Variants in MEF2C observed in about 807,000 individuals in gnomAD.
MEF2C encodes myocyte enhancer factor 2C.
A neutral mutation model predicts 50.5 loss-of-function variants in MEF2C; 6 were observed. The observed-to-expected ratio is 0.12, with a 90% CI of 0.07 to 0.23. The LOEUF is 0.23. MEF2C is among the 10% of genes least tolerant of loss of function. MEF2C has a pLI of 1.00. For synonymous variants in MEF2C, 183 were observed against 228.0 expected, an observed-to-expected ratio of 0.80 and a Z score of 1.78; for missense variants, 276 against 605.0, an observed-to-expected ratio of 0.46 and a Z score of 5.70.
intron 3 of MEF2C, among the ~76,000 whole-genome samples, chr5:88,793,330 G>C (rs1794630612): frequency 1.3e-5 from 2 of 152,136 alleles, no homozygotes; most frequent in African/African-American, 4.8e-5. Flanking sequence ...TATAGGATGG[G>C]GGTTGTAAGG....
intron 3 of MEF2C, among the ~76,000 whole-genome samples, chr5:88,765,183 T>C (rs1210126729): frequency 2.0e-5 from 3 of 152,206 alleles, no homozygotes; most frequent in African/African-American, 4.8e-5. Context: ...TCAAGTTAAA[T>C]TGTGTTATTT....
intron 1 of MEF2C, among the ~76,000 whole-genome samples, chr5:88,830,888 C>A (rs1334883901): frequency 6.6e-6 from 1 of 152,098 alleles, no homozygotes; most frequent in Non-Finnish European, 1.5e-5. Context: ...TCAGTAAGCA[C>A]ATGCAGCTGG....
chr5:88,816,932 G>A (rs896665419), intron 2 of MEF2C, among the ~76,000 whole-genome samples: 1 of 151,670 alleles, frequency 6.6e-6, no homozygotes, highest in Non-Finnish European at 1.5e-5. Context: ...TTTTCACTAG[G>A]TCTGAAAGAG....
chr5:88,807,583 G>A (rs572407737), intron 2 of MEF2C, among the ~76,000 whole-genome samples: 3 of 152,300 alleles, frequency 2.0e-5, no homozygotes, highest in South Asian at 4.1e-4. Flanking sequence ...TTGTAAAACA[G>A]AGATTTATAC....
intron 3 of MEF2C, among the ~76,000 whole-genome samples, chr5:88,803,876 C>T (rs991295375): frequency 6.6e-6 from 1 of 152,094 alleles, no homozygotes; most frequent in Non-Finnish European, 1.5e-5. Flanking sequence ...TATGCTAACA[C>T]ATCTAAAACA....
At chr5:88,861,860 A>G (rs189096504) in intron 1 of MEF2C, among the ~76,000 whole-genome samples, 4 of 152,308 alleles carry the variant, frequency 2.6e-5, no homozygotes, top group African/African-American at 7.2e-5. Flanking sequence ...TTCTAATTGC[A>G]TGTATGATGT....
chr5:88,731,421 C>T (rs1445228711), intron 7 of MEF2C: 6 of 269,984 alleles, frequency 2.2e-5, no homozygotes, highest in Non-Finnish European at 4.3e-5. Context: ...AGAGATTGAC[C>T]GATGGTAGTG....
At chr5:88,868,949 CATT>C (rs1161311543) in intron 1 of MEF2C, among the ~76,000 whole-genome samples, 2 of 151,920 alleles carry the variant, frequency 1.3e-5, no homozygotes, top group Admixed American at 1.3e-4. Context: ...GGCACGTATA[CATT>C]ATAATATTTG....
intron 6 of MEF2C, chr5:88,740,815 T>A: frequency 1.0e-6 from 1 of 985,424 alleles, no homozygotes; most frequent in Non-Finnish European, 1.2e-6. Context: ...GATAGATTTA[T>A]GACTCATTTA....
At chr5:88,795,927 T>G (rs763479388) in intron 3 of MEF2C, among the ~76,000 whole-genome samples, 67 of 152,240 alleles carry the variant, frequency 4.4e-4, no homozygotes, top group Non-Finnish European at 2.2e-4. Flanking sequence ...TTTCTGTTTA[T>G]GTGATGGATT....
At position 88,839,791 on chromosome 5, in the gene MEF2C, C is replaced by T. The variant is rs151306041; in HGVS notation, c.-142-15861G>A. The stretch of plus-strand genomic sequence containing the variant: ...TTTTGTATCGTATGAAATAGAAAAA[C>T]AATAAGCATAACAAAACCTCTACCA... On this transcript the variant is annotated intron_variant, in intron 1 of 10. Coordinates refer to ENST00000504921, the MANE Select transcript of MEF2C (RefSeq NM_002397.5). 2.1e-3 allele frequency among the ~76,000 whole-genome samples: 316 copies of T among 152,060 alleles called. 1 individual carries two copies. Among genetic ancestry groups the T allele is most frequent in the African/African-American group, 6.9e-3 (287 of 41,502 alleles).
chr5:88,763,597 A>C (rs1052004442), intron 3 of MEF2C, among the ~76,000 whole-genome samples: 13 of 152,042 alleles, frequency 8.6e-5, no homozygotes, highest in African/African-American at 2.2e-4. Flanking sequence ...GATCAAGAAA[A>C]TATTATTTGA....
At chr5:88,751,294 T>C (rs1280661701) in intron 5 of MEF2C, 19 of 985,322 alleles carry the variant, frequency 1.9e-5, no homozygotes, top group Non-Finnish European at 2.3e-5. Context: ...CAGGTGTACA[T>C]GTGTTTAATT....
chr5:88,772,931 C>T, intron 3 of MEF2C: 1 of 985,092 alleles, frequency 1.0e-6, no homozygotes. Flanking sequence ...TGTGATATGC[C>T]ATCCCAGAGA....
chr5:88,772,240 TTA>T (rs767352006), intron 3 of MEF2C: 5 of 152,240 alleles, frequency 3.3e-5, no homozygotes, highest in Non-Finnish European at 5.9e-5. Context: ...ACTGATTGAC[TTA>T]TGTCATGACT....
chr5:88,789,322 A>T (rs1003107307), intron 3 of MEF2C, among the ~76,000 whole-genome samples: 2 of 151,998 alleles, frequency 1.3e-5, no homozygotes, highest in African/African-American at 4.8e-5. Flanking sequence ...ATGCACCACC[A>T]CATCCAGCTA....
chr5:88,738,646 T>G lies in MEF2C; in HGVS notation c.638-6745A>C, dbSNP rs139951466. ...GTCATGCTCTGAGATAGTGAAAGCC[T>G]TTCTATGTCGAGTCTCATTTGCAAA... On this transcript the variant is annotated intron_variant, in intron 6 of 10. Transcript: ENST00000504921. The G allele has an allele frequency of 2.5e-4, 243 of 985,346 alleles. 7 individuals are homozygous for G. The East Asian group carries it at 0.024, about 96-fold the overall frequency. 61.0% of individuals were successfully genotyped at this position (985,346 alleles called of 1,614,324 possible).
chr5:88,846,469 A>G (rs539757989), intron 1 of MEF2C, among the ~76,000 whole-genome samples: 1 of 152,324 alleles, frequency 6.6e-6, no homozygotes, highest in East Asian at 1.9e-4. Flanking sequence ...CATTTCAGAG[A>G]GCAAAAGGAA....
At chr5:88,764,539 G>T (rs986944646) in intron 3 of MEF2C, among the ~76,000 whole-genome samples, 2 of 151,066 alleles carry the variant, frequency 1.3e-5, no homozygotes, top group Admixed American at 6.6e-5. Flanking sequence ...TCCAGGCGTG[G>T]TGGCTCTCGC....
Sources: allele counts gnomAD v4.1 joint callset (sites outside exome capture counted in the v4.1 genomes callset), GRCh38; gene constraint gnomAD v4.1.1; transcripts MANE v1.5; gene names NCBI Gene and HGNC (gene_info 2026-07-23, HGNC 2026-07-21).